The following NRG3 variants were observed in gnomAD, a reference collection of about 807,000 sequenced individuals.
The protein encoded by NRG3 is neuregulin 3, also known as pro-neuregulin-3, membrane-bound isoform.
In NRG3, 31 loss-of-function variants were observed where a neutral mutation model predicts 66.9. The observed-to-expected ratio is 0.46, with a 90% CI of 0.35 to 0.63. The LOEUF (loss-of-function observed/expected upper bound fraction) is 0.63, where lower values mean the gene tolerates loss of function less well. Among genes scored for constraint, NRG3 ranks in the 20% least tolerant of loss-of-function variants. NRG3 has a pLI of 0.00. For missense variants in NRG3, 910 were observed against 878.9 expected (o/e 1.04, Z -0.45); for synonymous variants, 393 against 359.4 (o/e 1.09, Z -1.06).
chr10:82,406,564 C>T (rs1037418548), intron 2 of NRG3, among the ~76,000 whole-genome samples: 6 of 152,158 alleles, frequency 3.9e-5, no homozygotes, highest in Admixed American at 6.5e-5. Flanking sequence ...CCTTGCCTTG[C>T]ATTATGTGCT....
chr10:81,969,035 C>G (rs1284886046), intron 1 of NRG3, among the ~76,000 whole-genome samples: 2 of 152,136 alleles, frequency 1.3e-5, no homozygotes, highest in Non-Finnish European at 2.9e-5. Context: ...AAGAATAGGT[C>G]ATGTAAGGTA....
chr10:82,600,654 G>A (rs937744177), intron 2 of NRG3, among the ~76,000 whole-genome samples: 1 of 152,102 alleles, frequency 6.6e-6, no homozygotes, highest in Non-Finnish European at 1.5e-5. Context: ...ATTTTTAGTA[G>A]AGATGGGGTT....
At chr10:82,277,275 C>A (rs2078900448) in intron 1 of NRG3, among the ~76,000 whole-genome samples, 1 of 151,948 alleles carries the variant, frequency 6.6e-6, no homozygotes, top group Non-Finnish European at 1.5e-5. Context: ...GCAAATATTT[C>A]TGTTGATGGT....
intron 2 of NRG3, among the ~76,000 whole-genome samples, chr10:82,631,714 C>T (rs1369350591): frequency 5.3e-5 from 8 of 151,744 alleles, no homozygotes; most frequent in South Asian, 2.1e-4. Flanking sequence ...ATAGGGTTCA[C>T]GTGTCTTTGT....
At chr10:81,978,155 A>T (rs2060195497) in intron 1 of NRG3, among the ~76,000 whole-genome samples, 1 of 152,174 alleles carries the variant, frequency 6.6e-6, no homozygotes, top group Admixed American at 6.6e-5. Context: ...GTATTATTTA[A>T]CAAATCTCTC....
intron 1 of NRG3, among the ~76,000 whole-genome samples, chr10:82,047,144 T>G (rs1031230770): frequency 8.6e-5 from 13 of 151,590 alleles, no homozygotes; most frequent in African/African-American, 2.2e-4. Context: ...AGAAGGAATG[T>G]TACCAGTTCC....
chr10:82,544,709 C>T (rs955724709), intron 2 of NRG3, among the ~76,000 whole-genome samples: 17 of 152,182 alleles, frequency 1.1e-4, no homozygotes, highest in Non-Finnish European at 2.1e-4. Flanking sequence ...TGTACACATA[C>T]TTAGCGCACC....
chr10:81,879,890 A>C (rs1020956892), intron 1 of NRG3, among the ~76,000 whole-genome samples: 16 of 152,180 alleles, frequency 1.1e-4, no homozygotes, highest in Non-Finnish European at 2.4e-4. Flanking sequence ...ACTTCTGTAC[A>C]TTGTATTCTC....
chr10:82,685,595 A>AT (rs748783395), intron 2 of NRG3, among the ~76,000 whole-genome samples: 2 of 152,054 alleles, frequency 1.3e-5, no homozygotes, highest in Admixed American at 1.3e-4. Flanking sequence ...GTAAAAAAAT[A>AT]TTTTTTCTTT....
At chr10:82,729,281 C>T (rs1381832671) in intron 2 of NRG3, among the ~76,000 whole-genome samples, 1 of 152,268 alleles carries the variant, frequency 6.6e-6, no homozygotes, top group South Asian at 2.1e-4. Flanking sequence ...AAAATTTCAT[C>T]CATCTTCCAA....
intron 3 of NRG3, among the ~76,000 whole-genome samples, chr10:82,838,087 C>T (rs1220510724): frequency 6.6e-6 from 1 of 152,122 alleles, no homozygotes; most frequent in African/African-American, 2.4e-5. Flanking sequence ...ATTTATTTAG[C>T]ACTAAGCTTA....
At chr10:81,993,540 T>A (rs946132590) in intron 1 of NRG3, among the ~76,000 whole-genome samples, 10 of 151,862 alleles carry the variant, frequency 6.6e-5, no homozygotes, top group Admixed American at 6.6e-4. Context: ...AGAGATGGGG[T>A]CTTGTTAGGT....
At chr10:82,548,951 A>G (rs1026265080) in intron 2 of NRG3, among the ~76,000 whole-genome samples, 1 of 152,146 alleles carries the variant, frequency 6.6e-6, no homozygotes, top group African/African-American at 2.4e-5. Flanking sequence ...TTACACATGC[A>G]GCTCTTGGAT....
chr10:82,278,063 A>G (rs1348347549), intron 1 of NRG3, among the ~76,000 whole-genome samples: 3 of 152,202 alleles, frequency 2.0e-5, no homozygotes, highest in Non-Finnish European at 4.4e-5. Flanking sequence ...TTCCCTTACC[A>G]CACATATGTA....
chr10:82,812,688 G>C (rs2135514434), intron 3 of NRG3, among the ~76,000 whole-genome samples: 1 of 152,262 alleles, frequency 6.6e-6, no homozygotes, highest in Non-Finnish European at 1.5e-5. Flanking sequence ...ATTAGCATAA[G>C]AGTTATGAAT....
intron 1 of NRG3, among the ~76,000 whole-genome samples, chr10:82,290,078 C>G (rs1271355683): frequency 6.6e-6 from 1 of 152,166 alleles, no homozygotes; most frequent in Non-Finnish European, 1.5e-5. Context: ...CTACAAACTC[C>G]CCCTTCCTCA....
chr10:82,661,365 C>G (rs1390145056), intron 2 of NRG3, among the ~76,000 whole-genome samples: 1 of 151,736 alleles, frequency 6.6e-6, no homozygotes, highest in Non-Finnish European at 1.5e-5. Flanking sequence ...AATATATAAA[C>G]AGCATATTAA....
intron 1 of NRG3, among the ~76,000 whole-genome samples, chr10:82,213,252 AG>A (rs1300032498): frequency 6.6e-6 from 1 of 152,218 alleles, no homozygotes; most frequent in Non-Finnish European, 1.5e-5. Context: ...AATAAAATAC[AG>A]GTTGAACATC....
At chr10:81,994,235 A>C (rs751736842) in intron 1 of NRG3, among the ~76,000 whole-genome samples, 1 of 152,146 alleles carries the variant, frequency 6.6e-6, no homozygotes, top group Non-Finnish European at 1.5e-5. Context: ...ACTGTTGACT[A>C]TGTAAAATAG....
Sources: allele counts gnomAD v4.1 joint callset (sites outside exome capture counted in the v4.1 genomes callset), GRCh38; gene constraint gnomAD v4.1.1; transcripts MANE v1.5; gene names NCBI Gene and HGNC (gene_info 2026-07-23, HGNC 2026-07-21).